The following UPF2 variants were observed in gnomAD, a reference collection of about 807,000 sequenced individuals.
UPF2 encodes UPF2 regulator of nonsense mediated mRNA decay.
In UPF2, 17 loss-of-function variants were observed where a neutral mutation model predicts 141.4. That is an observed-to-expected ratio of 0.12 (90% confidence interval 0.08 to 0.18). UPF2 has a LOEUF of 0.18. Among genes scored for constraint, UPF2 ranks in the 10% least tolerant of loss-of-function variants. UPF2 has a pLI of 1.00. For synonymous variants in UPF2, 540 were observed against 498.0 expected (o/e 1.08, Z -1.12); for missense variants, 1,152 against 1,515.9 (o/e 0.76, Z 3.99).
chr10:11,927,070 A>G (rs1329844065), intron 21 of UPF2, among the ~76,000 whole-genome samples: 1 of 152,228 alleles, frequency 6.6e-6, no homozygotes, highest in East Asian at 1.9e-4. Context: ...TTATCTTTCA[A>G]GTACCCATAC....
chr10:11,984,200 C>A (rs1833647961), intron 8 of UPF2, among the ~76,000 whole-genome samples: 1 of 152,148 alleles, frequency 6.6e-6, no homozygotes, highest in Non-Finnish European at 1.5e-5. Context: ...GGATTACAGG[C>A]GTGAGCCAGC....
At chr10:11,947,427 ATTTTG>A (rs1833014604) in intron 16 of UPF2, among the ~76,000 whole-genome samples, 2 of 152,156 alleles carry the variant, frequency 1.3e-5, no homozygotes, top group Non-Finnish European at 2.9e-5. Context: ...CTAGCCAGTA[ATTTTG>A]TTTTGAAGAG....
chr10:11,974,858 G>A (rs55681401), intron 9 of UPF2, among the ~76,000 whole-genome samples: 4,422 of 152,206 alleles, frequency 0.029, 200 homozygotes, highest in African/African-American at 0.097. Context: ...ACTTGGAGTA[G>A]GGAGGGGAAA....
chr10:12,013,021 A>G (rs1353569607), intron 4 of UPF2, among the ~76,000 whole-genome samples: 2 of 150,854 alleles, frequency 1.3e-5, no homozygotes, highest in African/African-American at 2.4e-5. Context: ...GCTACTTGGG[A>G]GACTGACGCA....
intron 1 of UPF2, among the ~76,000 whole-genome samples, chr10:12,038,680 G>C (rs577107809): frequency 2.1e-4 from 32 of 151,950 alleles, no homozygotes; most frequent in African/African-American, 6.5e-4. Context: ...AGTAAGCCGA[G>C]ATAGCGCCAC....
chr10:12,041,915 A>G (rs1834741559), intron 1 of UPF2, among the ~76,000 whole-genome samples: 1 of 152,152 alleles, frequency 6.6e-6, no homozygotes. Flanking sequence ...AGAGAGCTGA[A>G]GGTCCGATCA....
At chr10:11,930,065 G>C (rs1451758993) in intron 20 of UPF2, 80 bp from the exon 21 acceptor site, 3 of 1,584,820 alleles carry the variant, frequency 1.9e-6, no homozygotes, top group Non-Finnish European at 2.6e-6. Flanking sequence ...AAATGTTGGG[G>C]AGATTAAGTT....
chr10:11,929,160 G>A (rs1564334053), intron 21 of UPF2, among the ~76,000 whole-genome samples: 1 of 151,886 alleles, frequency 6.6e-6, no homozygotes, highest in Non-Finnish European at 1.5e-5. Flanking sequence ...AAATAAATAA[G>A]TAAGAGCTTA....
chr10:12,034,875 T>C (rs1554786312), intron 2 of UPF2, among the ~76,000 whole-genome samples, 184 bp downstream of exon 2: 1 of 152,206 alleles, frequency 6.6e-6, no homozygotes, highest in Non-Finnish European at 1.5e-5. Context: ...TATTATTTAA[T>C]TTGAATAATT....
At chr10:12,001,938 A>G in intron 5 of UPF2, 113 bp from the exon 6 acceptor site, 1 of 929,802 alleles carries the variant, frequency 1.1e-6, no homozygotes, top group Non-Finnish European at 1.5e-6. Context: ...CTGCATGTAT[A>G]CCTGGCAACT....
intron 1 of UPF2, among the ~76,000 whole-genome samples, chr10:12,039,689 C>G (rs563705358): frequency 6.7e-6 from 1 of 149,966 alleles, no homozygotes; most frequent in Non-Finnish European, 1.5e-5. Flanking sequence ...GGCACGATCT[C>G]GGCTCACCAC....
chr10:12,032,255 T>C (rs1834537845), intron 2 of UPF2, among the ~76,000 whole-genome samples: 1 of 151,044 alleles, frequency 6.6e-6, no homozygotes, highest in Non-Finnish European at 1.5e-5. Context: ...GATCGCGCCA[T>C]TGCATTCCAG....
At chr10:11,951,065 T>G (rs1197205764) in intron 15 of UPF2, among the ~76,000 whole-genome samples, 1 of 152,150 alleles carries the variant, frequency 6.6e-6, no homozygotes, top group African/African-American at 2.4e-5. Flanking sequence ...TTTTATTTAT[T>G]TACTTTATTT....
intron 8 of UPF2, among the ~76,000 whole-genome samples, chr10:11,983,778 T>C (rs573732822): frequency 2.6e-5 from 4 of 152,326 alleles, no homozygotes; most frequent in Admixed American, 1.3e-4. Context: ...TGCTTGTGAT[T>C]TTCTTGTTCC....
intron 9 of UPF2, among the ~76,000 whole-genome samples, chr10:11,978,688 A>G (rs1216258065): frequency 6.6e-6 from 1 of 152,200 alleles, no homozygotes; most frequent in Non-Finnish European, 1.5e-5. Context: ...GCACCTAAAG[A>G]AGCATATCCT....
intron 18 of UPF2, among the ~76,000 whole-genome samples, chr10:11,938,853 G>GTTTTTTTTTTGTTTTTTTTTTT (rs1832890354): frequency 7.5e-5 from 6 of 79,824 alleles, no homozygotes; most frequent in African/African-American, 3.0e-4. Flanking sequence ...TTTTTTTTTT[G>GTTTTTTTTTTGTTTTTTTTTTT]TTTTTTTTTT....
chr10:12,000,555 G>A lies in UPF2; in HGVS notation c.1655-546C>T, dbSNP rs146956949. Among the ~76,000 whole-genome samples the A allele has an allele frequency of 1.4e-3, 214 of 152,210 alleles. 1 individual carries two copies. Among genetic ancestry groups the A allele is most frequent in the African/African-American group, 5.0e-3 (206 of 41,528 alleles). On this transcript the variant is annotated intron_variant, in intron 6 of 21. Transcript: ENST00000357604. ...AGGGCCTTGGGAGGCTGAGGCAGGGGGATCACTTGAGGCCAGGAGTCCAAG... is the reference window on the plus strand; with the variant it reads ...AGGGCCTTGGGAGGCTGAGGCAGGGAGATCACTTGAGGCCAGGAGTCCAAG...
intron 5 of UPF2, among the ~76,000 whole-genome samples, chr10:12,003,679 A>G (rs1833988647): frequency 6.6e-6 from 1 of 152,192 alleles, no homozygotes; most frequent in Non-Finnish European, 1.5e-5. Flanking sequence ...TAATCCCAGC[A>G]CTTTGGGAAG....
At chr10:11,955,631 G>A in intron 13 of UPF2, 124 bp from the exon 14 acceptor site, 1 of 969,308 alleles carries the variant, frequency 1.0e-6, no homozygotes, top group Non-Finnish European at 1.5e-6. Flanking sequence ...AGAAATGACA[G>A]ATCTTTTCTA....
Sources: gnomAD v4.1 joint callset for allele counts (sites outside exome capture counted in the v4.1 genomes callset) on GRCh38, gnomAD v4.1.1 for gene constraint, MANE v1.5 for transcripts, NCBI Gene and HGNC (gene_info 2026-07-23, HGNC 2026-07-21) for gene names.